ZBTB43: variants seen among roughly 807,000 people sequenced by gnomAD.
ZBTB43 encodes zinc finger and BTB domain-containing protein 43.
In ZBTB43, 6 loss-of-function variants were observed where a neutral mutation model predicts 31.1. That is an observed-to-expected ratio of 0.19 (90% confidence interval 0.11 to 0.38). The LOEUF (loss-of-function observed/expected upper bound fraction) is 0.38, where lower values mean the gene tolerates loss of function less well. ZBTB43 is among the 10% of genes least tolerant of loss of function. The pLI is 1.00. For missense variants in ZBTB43, 379 were observed against 602.1 expected (o/e 0.63, Z 3.88); for synonymous variants, 212 against 221.7 (o/e 0.96, Z 0.39).
In ZBTB43 at chr9:126,825,955, T is replaced by C. The variant is rs141696368; in HGVS notation, c.-23-6532T>C. Among the ~76,000 whole-genome samples the C allele has an allele frequency of 3.7e-3, 555 of 148,962 alleles. 7 individuals are homozygous for C. The highest frequency in any genetic ancestry group is 0.013 in the African/African-American group (515 of 40,574). On this transcript the variant is annotated intron_variant, in intron 2 of 2. Coordinates refer to ENST00000373464, the MANE Select transcript of ZBTB43 (RefSeq NM_014007.4). ...CCTGCCTCCCGGGCTCAAGCGATTC[T>C]CATGCCTCAGCCTCCTGGGTAGCTG...
chr9:126,824,081 C>T (rs2032574701), intron 2 of ZBTB43, among the ~76,000 whole-genome samples: 1 of 151,868 alleles, frequency 6.6e-6, no homozygotes, highest in Admixed American at 6.6e-5. Flanking sequence ...GGCTGGAGTG[C>T]AGTGGCGCAA....
intron 2 of ZBTB43, among the ~76,000 whole-genome samples, chr9:126,830,341 T>C (rs1244876408): frequency 6.6e-6 from 1 of 152,228 alleles, no homozygotes; most frequent in Non-Finnish European, 1.5e-5. Flanking sequence ...CTGGCTCTTT[T>C]ATATCATACT....
chr9:126,830,971 A>G (rs1413612058), intron 2 of ZBTB43, among the ~76,000 whole-genome samples: 1 of 152,148 alleles, frequency 6.6e-6, no homozygotes, highest in South Asian at 2.1e-4. Flanking sequence ...TGGTCTATAG[A>G]CAGTTTGGAG....
At chr9:126,810,832 C>T (rs1163725884) in intron 2 of ZBTB43, among the ~76,000 whole-genome samples, 4 of 151,626 alleles carry the variant, frequency 2.6e-5, no homozygotes, top group South Asian at 2.1e-4. Flanking sequence ...GGATGGTCAG[C>T]GTGCGAAAGT....
chr9:126,826,780 T>TA (rs1229181272), intron 2 of ZBTB43, among the ~76,000 whole-genome samples: 9 of 152,174 alleles, frequency 5.9e-5, no homozygotes, highest in Admixed American at 6.5e-5. Flanking sequence ...CCCCTTTTTA[T>TA]AGTTTCTGTC....
intron 2 of ZBTB43, among the ~76,000 whole-genome samples, chr9:126,813,654 T>C (rs936069634): frequency 6.6e-6 from 1 of 152,212 alleles, no homozygotes; most frequent in Non-Finnish European, 1.5e-5. Context: ...CAACATATCA[T>C]ACTTATGATG....
chr9:126,819,218 G>A (rs1455028723), intron 2 of ZBTB43, among the ~76,000 whole-genome samples: 2 of 150,280 alleles, frequency 1.3e-5, no homozygotes, highest in East Asian at 2.0e-4. Context: ...TGTACTGTGT[G>A]CACTTGGTGG....
At chr9:126,821,553 A>G (rs1447012269) in intron 2 of ZBTB43, among the ~76,000 whole-genome samples, 11 of 152,222 alleles carry the variant, frequency 7.2e-5, no homozygotes, top group Admixed American at 7.2e-4. Context: ...GGAGGAATTA[A>G]TTGGAGATGT....
At chr9:126,829,380 A>G (rs1006561411) in intron 2 of ZBTB43, among the ~76,000 whole-genome samples, 1 of 152,230 alleles carries the variant, frequency 6.6e-6, no homozygotes, top group Non-Finnish European at 1.5e-5. Context: ...GTGATTTTAC[A>G]ACCCCTGCCA....
chr9:126,837,640 AT>A lies in ZBTB43; in HGVS notation c.*3728del. On this transcript the variant is annotated 3_prime_UTR_variant, in exon 3 of 3. Transcript: ENST00000373464. ...GGGTGCTGGAAACCAGCACTGTGTT[AT>A]CCCCAATCCCTCCTGTGCCACCAGT... 6.0e-6 allele frequency: 1 copy of A among 167,222 alleles called. No individual in the cohort carries two copies. The highest frequency in any genetic ancestry group is 3.4e-3 in the Middle Eastern group (1 of 296). 10.4% of individuals were successfully genotyped at this position (167,222 alleles called of 1,614,324 possible).
chr9:126,808,592 A>G (rs774811423), intron 1 of ZBTB43, among the ~76,000 whole-genome samples: 4 of 152,342 alleles, frequency 2.6e-5, no homozygotes, highest in Admixed American at 1.3e-4. Context: ...TGAAAATTTA[A>G]AATTATTACA....
At chr9:126,830,019 C>G (rs74778328) in intron 2 of ZBTB43, among the ~76,000 whole-genome samples, 309 of 152,130 alleles carry the variant, frequency 2.0e-3, no homozygotes, top group Middle Eastern at 3.4e-3. Flanking sequence ...TTATTAGTGC[C>G]TAATCTGGCA....
chr9:126,823,938 G>A (rs927843990), intron 2 of ZBTB43, among the ~76,000 whole-genome samples: 2 of 152,108 alleles, frequency 1.3e-5, no homozygotes, highest in African/African-American at 4.8e-5. Context: ...TGTGTAATGT[G>A]TATTAACATA....
At chr9:126,812,171 C>T (rs202188837) in intron 2 of ZBTB43, among the ~76,000 whole-genome samples, 6 of 152,224 alleles carry the variant, frequency 3.9e-5, no homozygotes, top group Admixed American at 3.3e-4. Flanking sequence ...ATACAAGATA[C>T]GGCCTTTTGT....
Position 126,832,741 on chromosome 9 carries a change from C to T in ZBTB43, c.232C>T (p.Pro78Ser). 6.2e-7 allele frequency: 1 copy of T among 1,614,140 alleles called. No individual in the cohort carries two copies. Among genetic ancestry groups the T allele is most frequent in the Non-Finnish European group, 8.5e-7 (1 of 1,180,038 alleles). ...RRIVLPDVMNPRVFENILLSS... is the reference protein window; with the variant it reads ...RRIVLPDVMNSRVFENILLSS... ...AATTGTTTTGCCTGATGTGATGAAC[C>T]CAAGAGTGTTTGAGAACATTCTCCT... The change falls in exon 3 of 3, where the codon CCA becomes TCA. Residue 78 changes from proline to serine, a missense_variant. Pro to Ser is a moderately conservative substitution (Grantham distance 74). Coordinates refer to ENST00000373464, the MANE Select transcript of ZBTB43 (RefSeq NM_014007.4).
chr9:126,809,540 G>A (rs1017209070), intron 2 of ZBTB43, among the ~76,000 whole-genome samples: 1 of 152,126 alleles, frequency 6.6e-6, no homozygotes. Context: ...TTATATTGCT[G>A]TCATCTGTGT....
Position 126,812,659 on chromosome 9 carries a change from A to G in ZBTB43, c.-24+3744A>G, listed in dbSNP as rs545346995. On this transcript the variant is annotated intron_variant, in intron 2 of 2. Transcript: ENST00000373464. ...AGTTTTGATTTGCATTTTTCTAATT[A>G]CTAATGATGTTGAGTGGTTTTCATA... 9.8e-5 allele frequency among the ~76,000 whole-genome samples: 15 copies of G among 152,344 alleles called. No individual in the cohort carries two copies. In the South Asian group the frequency reaches 3.1e-3, roughly 32 times the overall value.
At chr9:126,821,659 A>C (rs1281805512) in intron 2 of ZBTB43, among the ~76,000 whole-genome samples, 1 of 152,212 alleles carries the variant, frequency 6.6e-6, no homozygotes, top group East Asian at 1.9e-4. Context: ...AGTGGATGAG[A>C]AGTTGCTTCT....
intron 2 of ZBTB43, among the ~76,000 whole-genome samples, chr9:126,828,316 T>A (rs2032688858): frequency 1.3e-5 from 2 of 151,730 alleles, no homozygotes; most frequent in Non-Finnish European, 1.5e-5. Context: ...CCCAAGTAAC[T>A]GGGACTACAG....
Sources: gnomAD v4.1 joint callset for allele counts (sites outside exome capture counted in the v4.1 genomes callset) on GRCh38, gnomAD v4.1.1 for gene constraint, MANE v1.5 for transcripts, NCBI Gene and HGNC (gene_info 2026-07-23, HGNC 2026-07-21) for gene names.